The following SYNPR variants were observed in gnomAD, a reference collection of about 807,000 sequenced individuals.
The protein encoded by SYNPR is synaptoporin.
SYNPR carries 23 observed loss-of-function variants against 32.9 expected under a neutral mutation model. The observed-to-expected ratio is 0.70, with a 90% CI of 0.50 to 0.99. The LOEUF (loss-of-function observed/expected upper bound fraction) is 0.99. Among genes scored for constraint, SYNPR ranks in the 50% least tolerant of loss-of-function variants. The pLI is 0.00. For synonymous variants in SYNPR, 146 were observed against 135.9 expected, an observed-to-expected ratio of 1.07 and a Z score of -0.52; for missense variants, 318 against 349.3, an observed-to-expected ratio of 0.91 and a Z score of 0.71.
intron 3 of SYNPR, among the ~76,000 whole-genome samples, chr3:63,272,857 G>T (rs2086547729): frequency 6.6e-6 from 1 of 152,118 alleles, no homozygotes; most frequent in African/African-American, 2.4e-5. Context: ...TTGTCTCAGT[G>T]ATTGGCTTTT....
intron 3 of SYNPR, among the ~76,000 whole-genome samples, chr3:63,530,393 A>T (rs1702090401): frequency 6.6e-6 from 1 of 151,986 alleles, no homozygotes; most frequent in Admixed American, 6.6e-5. Flanking sequence ...GTGGAAGGAG[A>T]TGTAGGAGCA....
At chr3:63,523,477 C>A (rs1023936379) in intron 3 of SYNPR, among the ~76,000 whole-genome samples, 1 of 152,132 alleles carries the variant, frequency 6.6e-6, no homozygotes, top group South Asian at 2.1e-4. Context: ...CTGGCCACCC[C>A]CTACCTCATC....
intron 2 of SYNPR, among the ~76,000 whole-genome samples, chr3:63,453,127 T>C (rs1311514265): frequency 6.6e-6 from 1 of 152,150 alleles, no homozygotes; most frequent in Non-Finnish European, 1.5e-5. Context: ...CTCCAGATGA[T>C]TTGCATACAC....
chr3:63,513,949 C>G (rs1701744244), intron 3 of SYNPR, among the ~76,000 whole-genome samples: 2 of 152,040 alleles, frequency 1.3e-5, no homozygotes, highest in East Asian at 3.9e-4. Context: ...TCTGGAAGTG[C>G]CCATAATTTG....
chr3:63,566,497 A>G (rs1026346227), intron 4 of SYNPR, among the ~76,000 whole-genome samples: 2 of 152,100 alleles, frequency 1.3e-5, no homozygotes, highest in Non-Finnish European at 2.9e-5. Context: ...TGGATCCCAG[A>G]CCCTCTTACA....
chr3:63,442,702 G>T (rs1303468859), intron 2 of SYNPR, among the ~76,000 whole-genome samples: 8 of 152,138 alleles, frequency 5.3e-5, no homozygotes. Flanking sequence ...CTCCTGTGAC[G>T]AGTGAGCAAC....
chr3:63,461,894 A>T (rs1700591331), intron 2 of SYNPR, among the ~76,000 whole-genome samples: 1 of 152,006 alleles, frequency 6.6e-6, no homozygotes, highest in African/African-American at 2.4e-5. Flanking sequence ...AGGACCTGGA[A>T]CATAGTAAAT....
rs554774214 is a variant in SYNPR, at chr3:63,490,505, A to C, written c.209+9549A>C. Among the ~76,000 whole-genome samples the C allele has an allele frequency of 9.9e-5, 15 of 152,118 alleles. 1 individual carries two copies. The East Asian group carries it at 2.9e-3, about 30-fold the overall frequency. On this transcript the variant is annotated intron_variant, in intron 3 of 5. Transcript: ENST00000478300. ...AGGTGGCTGCAGCCGTCCAAGGAAA[A>C]GATGGTGGTGGGTTGGCCCAGGGTG...
chr3:63,582,523 G>A (rs1487408914), intron 4 of SYNPR, among the ~76,000 whole-genome samples: 4 of 151,968 alleles, frequency 2.6e-5, no homozygotes, highest in African/African-American at 7.2e-5. Flanking sequence ...GTCTTGATCC[G>A]CTGATATTCA....
At chr3:63,527,452 C>A (rs1702034157) in intron 3 of SYNPR, among the ~76,000 whole-genome samples, 1 of 152,078 alleles carries the variant, frequency 6.6e-6, no homozygotes, top group Non-Finnish European at 1.5e-5. Flanking sequence ...TCAGTAGCTG[C>A]CCTAATTTGC....
intron 2 of SYNPR, among the ~76,000 whole-genome samples, chr3:63,341,794 G>A (rs1452597574): frequency 6.6e-6 from 1 of 152,032 alleles, no homozygotes; most frequent in South Asian, 2.1e-4. Flanking sequence ...TTCATGGCTT[G>A]TATTTCATTC....
At chr3:63,290,057 G>T (rs867419646) in intron 2 of SYNPR, among the ~76,000 whole-genome samples, 8 of 151,574 alleles carry the variant, frequency 5.3e-5, no homozygotes, top group Admixed American at 2.6e-4. Flanking sequence ...GTGAACCCAG[G>T]AGGCAGAGCT....
intron 1 of SYNPR, among the ~76,000 whole-genome samples, chr3:63,232,722 G>A (rs1485009395): frequency 1.3e-5 from 2 of 152,070 alleles, no homozygotes; most frequent in African/African-American, 4.8e-5. Context: ...CTGTAAAACG[G>A]GAATGGGCTC....
At chr3:63,545,055 C>T (rs893440688) in intron 3 of SYNPR, among the ~76,000 whole-genome samples, 1 of 150,308 alleles carries the variant, frequency 6.7e-6, no homozygotes, top group Non-Finnish European at 1.5e-5. Flanking sequence ...GAAAGGGTAG[C>T]GTTCCATTGG....
chr3:63,490,583 A>G (rs1306178165), intron 3 of SYNPR, among the ~76,000 whole-genome samples: 3 of 152,092 alleles, frequency 2.0e-5, no homozygotes, highest in African/African-American at 7.2e-5. Context: ...GTGGTCTTCC[A>G]TGCCCCACTT....
intron 2 of SYNPR, among the ~76,000 whole-genome samples, chr3:63,279,369 T>C (rs1672187220): frequency 6.6e-6 from 1 of 152,190 alleles, no homozygotes. Flanking sequence ...CTCTAGGGCT[T>C]TTCTGATTAT....
chr3:63,239,065 C>A (rs1305782768), intron 1 of SYNPR, among the ~76,000 whole-genome samples: 1 of 152,052 alleles, frequency 6.6e-6, no homozygotes, highest in Non-Finnish European at 1.5e-5. Context: ...TCCTATGGAG[C>A]TGACCATTAA....
intron 2 of SYNPR, among the ~76,000 whole-genome samples, chr3:63,474,811 C>G (rs1310903096): frequency 6.6e-6 from 1 of 151,934 alleles, no homozygotes; most frequent in African/African-American, 2.4e-5. Flanking sequence ...CTTGTTTCTT[C>G]CAGGATTGGT....
chr3:63,548,331 T>C (rs940296778), intron 3 of SYNPR, among the ~76,000 whole-genome samples: 3 of 152,024 alleles, frequency 2.0e-5, no homozygotes, highest in African/African-American at 7.2e-5. Flanking sequence ...AGTGATTCTT[T>C]TGAGATAGCT....
Sources: gnomAD v4.1 joint callset for allele counts (sites outside exome capture counted in the v4.1 genomes callset) on GRCh38, gnomAD v4.1.1 for gene constraint, MANE v1.5 for transcripts, NCBI Gene and HGNC (gene_info 2026-07-23, HGNC 2026-07-21) for gene names.